Variants in PPARGC1A observed in about 807,000 individuals in gnomAD.
The protein encoded by PPARGC1A is peroxisome proliferator-activated receptor gamma coactivator 1-alpha.
Under a neutral mutation model 88.7 loss-of-function variants are expected in PPARGC1A, and 25 were observed. The ratio of observed to expected loss-of-function variants is 0.28; its 90% confidence interval spans 0.21 to 0.39. The LOEUF (loss-of-function observed/expected upper bound fraction) is 0.39, where lower values mean the gene tolerates loss of function less well. Among genes scored for constraint, PPARGC1A ranks in the 10% least tolerant of loss-of-function variants. The pLI is 1.00. For synonymous variants in PPARGC1A, 363 were observed against 355.6 expected (o/e 1.02, Z -0.24); for missense variants, 880 against 968.7 (o/e 0.91, Z 1.22).
the PPARGC1A span, among the ~76,000 whole-genome samples, chr4:24,373,838 G>A: frequency 6.6e-6 from 1 of 152,144 alleles, no homozygotes; most frequent in African/African-American, 2.4e-5. Context: ...TTCACTTTCT[G>A]TGTTGACACT....
chr4:24,158,568 A>C, the PPARGC1A span, among the ~76,000 whole-genome samples: 1 of 152,192 alleles, frequency 6.6e-6, no homozygotes, highest in African/African-American at 2.4e-5. Flanking sequence ...AATTAGTCTG[A>C]AAGAAAGGCA....
the PPARGC1A span, among the ~76,000 whole-genome samples, chr4:23,975,962 A>G: frequency 6.6e-6 from 1 of 152,262 alleles, no homozygotes; most frequent in Admixed American, 6.5e-5. Flanking sequence ...AATCAAATAA[A>G]TTAACCTACT....
the PPARGC1A span, among the ~76,000 whole-genome samples, chr4:24,409,958 C>A: frequency 1.3e-5 from 2 of 152,160 alleles, no homozygotes; most frequent in Non-Finnish European, 2.9e-5. Context: ...TGATAATTCT[C>A]CCAAACAACA....
chr4:23,874,872 C>A (rs1184006532), intron 2 of PPARGC1A, among the ~76,000 whole-genome samples: 1 of 152,178 alleles, frequency 6.6e-6, no homozygotes, highest in Non-Finnish European at 1.5e-5. Context: ...GTGTTCGCTT[C>A]CACAAGGACA....
At chr4:24,185,233 A>G in the PPARGC1A span, among the ~76,000 whole-genome samples, 5 of 152,152 alleles carry the variant, frequency 3.3e-5, no homozygotes, top group East Asian at 7.7e-4. Context: ...CCACCCTCCA[A>G]AAATAAATAA....
chr4:24,131,620 A>G, the PPARGC1A span, among the ~76,000 whole-genome samples: 2 of 152,232 alleles, frequency 1.3e-5, no homozygotes, highest in African/African-American at 2.4e-5. Context: ...TTGATTCTGT[A>G]TGTTTTCCCT....
the PPARGC1A span, among the ~76,000 whole-genome samples, chr4:24,320,300 C>CT: frequency 1.3e-5 from 2 of 152,124 alleles, no homozygotes; most frequent in Admixed American, 1.3e-4. Context: ...TTTGTATCTC[C>CT]TTTTTTATTC....
chr4:23,891,105 C>A (rs1319544857), upstream of PPARGC1A, among the ~76,000 whole-genome samples: 1 of 152,072 alleles, frequency 6.6e-6, no homozygotes. Flanking sequence ...CAGCTTGTAC[C>A]TTGAGACAAT....
the PPARGC1A span, among the ~76,000 whole-genome samples, chr4:23,926,940 A>G: frequency 6.6e-6 from 1 of 152,222 alleles, no homozygotes; most frequent in Non-Finnish European, 1.5e-5. Flanking sequence ...CATAACAATA[A>G]TTACTGAATA....
At chr4:24,215,430 T>A in the PPARGC1A span, among the ~76,000 whole-genome samples, 1 of 152,180 alleles carries the variant, frequency 6.6e-6, no homozygotes, top group Non-Finnish European at 1.5e-5. Flanking sequence ...ACTAAGACTT[T>A]TTCGGAGAGA....
At chr4:24,179,451 C>A in the PPARGC1A span, among the ~76,000 whole-genome samples, 1 of 152,036 alleles carries the variant, frequency 6.6e-6, no homozygotes, top group East Asian at 1.9e-4. Context: ...GCCAGTTCTG[C>A]GGCTCAAAAG....
the PPARGC1A span, among the ~76,000 whole-genome samples, chr4:24,194,055 G>T: frequency 6.6e-6 from 1 of 151,800 alleles, no homozygotes; most frequent in Non-Finnish European, 1.5e-5. Flanking sequence ...CTTGAACCTG[G>T]GAGGTGGAGG....
chr4:24,207,804 T>TA, the PPARGC1A span, among the ~76,000 whole-genome samples: 2 of 152,084 alleles, frequency 1.3e-5, no homozygotes, highest in African/African-American at 2.4e-5. Context: ...AAGGAATAAA[T>TA]AAAAAACCTG....
intron 2 of PPARGC1A, among the ~76,000 whole-genome samples, chr4:23,879,464 C>T (rs930129476): frequency 8.5e-5 from 13 of 152,194 alleles, no homozygotes; most frequent in African/African-American, 2.9e-4. Flanking sequence ...TAAAGGTGAG[C>T]AGAAACTTAA....
chr4:23,999,796 C>T, the PPARGC1A span, among the ~76,000 whole-genome samples: 1 of 152,158 alleles, frequency 6.6e-6, no homozygotes, highest in African/African-American at 2.4e-5. Context: ...TGGGGAGAGA[C>T]GACAGAAAGG....
the PPARGC1A span, among the ~76,000 whole-genome samples, chr4:24,023,739 G>A: frequency 3.3e-5 from 5 of 152,132 alleles, no homozygotes; most frequent in Admixed American, 1.3e-4. Context: ...GTATCCTCTG[G>A]CTGCATCAAA....
chr4:24,161,192 C>G, the PPARGC1A span, among the ~76,000 whole-genome samples: 1 of 152,194 alleles, frequency 6.6e-6, no homozygotes, highest in Non-Finnish European at 1.5e-5. Flanking sequence ...GCAGGTCCCC[C>G]TTGAGCAAGT....
chr4:24,107,185 A>AT, the PPARGC1A span, among the ~76,000 whole-genome samples: 1 of 152,224 alleles, frequency 6.6e-6, no homozygotes. Context: ...ATTACTTTTC[A>AT]TTTTGCAAAT....
intron 2 of PPARGC1A, among the ~76,000 whole-genome samples, chr4:23,877,147 C>G (rs1055758777): frequency 6.6e-6 from 1 of 151,906 alleles, no homozygotes; most frequent in Non-Finnish European, 1.5e-5. Flanking sequence ...CCCCTTTTCC[C>G]TGCTCTCATT....
Sources: allele counts gnomAD v4.1 joint callset (sites outside exome capture counted in the v4.1 genomes callset), GRCh38; gene constraint gnomAD v4.1.1; transcripts MANE v1.5; gene names NCBI Gene and HGNC (gene_info 2026-07-23, HGNC 2026-07-21).